KCNIP4: variants seen among roughly 807,000 people sequenced by gnomAD.
KCNIP4 encodes the protein potassium voltage-gated channel interacting protein 4.
A neutral mutation model predicts 34.0 loss-of-function variants in KCNIP4; 12 were observed. The observed-to-expected ratio is 0.35, with a 90% CI of 0.23 to 0.57. KCNIP4 has a LOEUF of 0.57. Among genes scored for constraint, KCNIP4 ranks in the 20% least tolerant of loss-of-function variants. The probability of loss-of-function intolerance (pLI) is 0.83; values close to 1 mark genes in which losing one functional copy is unlikely to be tolerated. For missense variants in KCNIP4, 238 were observed against 311.7 expected, an observed-to-expected ratio of 0.76 and a Z score of 1.78; for synonymous variants, 124 against 102.2, an observed-to-expected ratio of 1.21 and a Z score of -1.29.
At chr4:20,837,311 A>C (rs1392968513) in intron 3 of KCNIP4, among the ~76,000 whole-genome samples, 1 of 152,202 alleles carries the variant, frequency 6.6e-6, no homozygotes, top group Admixed American at 6.6e-5. Context: ...TCACACACTC[A>C]GCCCAAATAT....
At chr4:21,044,412 G>A (rs907249216) in intron 1 of KCNIP4, among the ~76,000 whole-genome samples, 2 of 152,000 alleles carry the variant, frequency 1.3e-5, no homozygotes, top group Non-Finnish European at 2.9e-5. Context: ...CCAGGGTTCA[G>A]GTGATTCTCC....
intron 1 of KCNIP4, among the ~76,000 whole-genome samples, chr4:20,991,809 G>C (rs1737103731): frequency 6.6e-6 from 1 of 152,178 alleles, no homozygotes; most frequent in African/African-American, 2.4e-5. Context: ...GCTGGGGCTT[G>C]GTCCTACTTC....
intron 1 of KCNIP4, among the ~76,000 whole-genome samples, chr4:21,948,152 G>A (rs1435110151): frequency 6.6e-6 from 1 of 152,166 alleles, no homozygotes; most frequent in Non-Finnish European, 1.5e-5. Context: ...AGAAACGTGT[G>A]GGGGCATGAA....
chr4:21,097,779 T>C (rs1177134073), intron 1 of KCNIP4, among the ~76,000 whole-genome samples: 1 of 152,170 alleles, frequency 6.6e-6, no homozygotes, highest in Non-Finnish European at 1.5e-5. Context: ...CAATTAATAA[T>C]GCTACAATGG....
chr4:21,239,245 C>A (rs193109408), intron 1 of KCNIP4, among the ~76,000 whole-genome samples: 7,055 of 107,314 alleles, frequency 0.066, 405 homozygotes, highest in South Asian at 0.15. Context: ...TAAAGACTTA[C>A]ATGTTGGAGC....
intron 1 of KCNIP4, among the ~76,000 whole-genome samples, chr4:21,645,002 T>G (rs1412870856): frequency 6.6e-6 from 1 of 152,160 alleles, no homozygotes; most frequent in Non-Finnish European, 1.5e-5. Flanking sequence ...GAGATAACTC[T>G]TATTGAACAT....
At chr4:21,365,916 T>C (rs1031632420) in intron 1 of KCNIP4, among the ~76,000 whole-genome samples, 1 of 152,244 alleles carries the variant, frequency 6.6e-6, no homozygotes, top group Non-Finnish European at 1.5e-5. Context: ...TTTATGCAGA[T>C]TGTTCTGCTA....
intron 1 of KCNIP4, among the ~76,000 whole-genome samples, chr4:21,577,934 T>C (rs1364128953): frequency 6.6e-6 from 1 of 152,198 alleles, no homozygotes; most frequent in Non-Finnish European, 1.5e-5. Flanking sequence ...TATTCTTACA[T>C]ATATTCTGGA....
At chr4:21,409,729 C>G (rs551037293) in intron 1 of KCNIP4, among the ~76,000 whole-genome samples, 1 of 152,206 alleles carries the variant, frequency 6.6e-6, no homozygotes, top group Non-Finnish European at 1.5e-5. Context: ...TAAAATTGTG[C>G]TGAACTGAAT....
chr4:21,280,080 T>C (rs181802672), intron 1 of KCNIP4, among the ~76,000 whole-genome samples: 77 of 152,336 alleles, frequency 5.1e-4, no homozygotes, highest in Middle Eastern at 3.4e-3. Flanking sequence ...GGCTTTTTGA[T>C]GTTGCATTAG....
At chr4:21,572,367 G>A (rs904502498) in intron 1 of KCNIP4, among the ~76,000 whole-genome samples, 13 of 152,194 alleles carry the variant, frequency 8.5e-5, no homozygotes, top group South Asian at 8.3e-4. Flanking sequence ...TTCCTGTAAC[G>A]TGTTCAAATT....
intron 1 of KCNIP4, among the ~76,000 whole-genome samples, chr4:21,368,983 A>AATCC (rs988729953): frequency 6.8e-6 from 1 of 146,756 alleles, no homozygotes; most frequent in South Asian, 2.1e-4. Context: ...TTCATTTGTC[A>AATCC]ATCCATCCAT....
At chr4:21,199,469 C>T (rs890583777) in intron 1 of KCNIP4, among the ~76,000 whole-genome samples, 8 of 152,084 alleles carry the variant, frequency 5.3e-5, no homozygotes, top group African/African-American at 1.7e-4. Context: ...TGGATATTAG[C>T]CCTTTGTCAG....
At chr4:21,425,351 A>G (rs1486750279) in intron 1 of KCNIP4, among the ~76,000 whole-genome samples, 6 of 152,172 alleles carry the variant, frequency 3.9e-5, no homozygotes. Context: ...GGGGACAACT[A>G]AAACTGTCTG....
rs3075750 is a variant in KCNIP4, at chr4:20,748,560, T to TTATA, written c.429+1098_429+1101dup. 4.3e-3 allele frequency among the ~76,000 whole-genome samples: 280 copies of TTATA among 64,696 alleles called. 2 individuals are homozygous for TTATA. The highest frequency in any genetic ancestry group is 8.8e-3 in the Middle Eastern group (1 of 114). 42.4% of individuals were successfully genotyped at this position (64,696 alleles called of 152,430 possible). On this transcript the variant is annotated intron_variant, in intron 5 of 8. Coordinates refer to ENST00000382152, the MANE Select transcript of KCNIP4 (RefSeq NM_025221.6). ...CAAAAATAAATGCACCTTCCAAATT[T>TTATA]TATATATATATATATATATATATAT...
intron 2 of KCNIP4, among the ~76,000 whole-genome samples, chr4:20,855,652 C>T (rs1363363171): frequency 1.4e-5 from 2 of 146,894 alleles, no homozygotes; most frequent in African/African-American, 5.2e-5. Context: ...TAATTATTGC[C>T]CTCAAGGAGT....
chr4:21,484,453 T>C (rs988507668), intron 1 of KCNIP4, among the ~76,000 whole-genome samples: 6 of 149,998 alleles, frequency 4.0e-5, no homozygotes, highest in South Asian at 2.1e-4. Context: ...AAAAGATAGG[T>C]AGTTATTCTC....
chr4:21,113,179 A>G (rs543270932), intron 1 of KCNIP4, among the ~76,000 whole-genome samples: 3 of 152,336 alleles, frequency 2.0e-5, no homozygotes, highest in Admixed American at 2.0e-4. Flanking sequence ...CAAGGGTACG[A>G]GAAGCTTTGC....
chr4:21,065,247 C>T (rs1744246709), intron 1 of KCNIP4, among the ~76,000 whole-genome samples: 1 of 152,070 alleles, frequency 6.6e-6, no homozygotes, highest in African/African-American at 2.4e-5. Context: ...ATCGAGTGTC[C>T]CTACACTACC....
Sources: allele counts gnomAD v4.1 joint callset (sites outside exome capture counted in the v4.1 genomes callset), GRCh38; gene constraint gnomAD v4.1.1; transcripts MANE v1.5; gene names NCBI Gene and HGNC (gene_info 2026-07-23, HGNC 2026-07-21).